SEC22C: variants seen among roughly 807,000 people sequenced by gnomAD.
SEC22C encodes SEC22 homolog C, vesicle trafficking protein.
In SEC22C, 29 loss-of-function variants were observed where a neutral mutation model predicts 34.7. That is an observed-to-expected ratio of 0.84 (90% CI 0.62 to 1.14). SEC22C has a LOEUF of 1.14. Ranked by LOEUF, SEC22C falls within the 50% of genes most tolerant of loss-of-function variation. The pLI is 0.00. For synonymous variants in SEC22C, 117 were observed against 132.8 expected, an observed-to-expected ratio of 0.88 and a Z score of 0.82; for missense variants, 337 against 369.0, an observed-to-expected ratio of 0.91 and a Z score of 0.71.
chr3:42,564,311 T>C (rs1287116145), intron 2 of SEC22C: 1 of 173,868 alleles, frequency 5.8e-6, no homozygotes, highest in East Asian at 1.6e-4. Context: ...GTACAGGGGT[T>C]CTAGGTCACC....
At chr3:42,557,094 T>G (rs1284696251) in intron 5 of SEC22C, among the ~76,000 whole-genome samples, 2 of 152,252 alleles carry the variant, frequency 1.3e-5, no homozygotes, top group African/African-American at 4.8e-5. Flanking sequence ...ACTGAAATAG[T>G]AAGTTCCTTT....
intron 1 of SEC22C, among the ~76,000 whole-genome samples, chr3:42,589,597 A>G (rs772939784): frequency 5.3e-5 from 8 of 152,222 alleles, no homozygotes; most frequent in Non-Finnish European, 7.3e-5. Flanking sequence ...GCCCCCTCAG[A>G]TCAGCGGGGG....
chr3:42,555,053 T>A (rs1405562745), intron 6 of SEC22C, among the ~76,000 whole-genome samples: 2 of 152,062 alleles, frequency 1.3e-5, no homozygotes, highest in South Asian at 4.1e-4. Context: ...TTTTAAAAAA[T>A]TTTTTGCAGA....
intron 3 of SEC22C, among the ~76,000 whole-genome samples, 179 bp downstream of exon 3, chr3:42,563,344 T>C (rs1247913821): frequency 2.0e-5 from 3 of 152,226 alleles, no homozygotes; most frequent in Non-Finnish European, 2.9e-5. Context: ...GTGTTAAACC[T>C]TGACGCTTTC....
chr3:42,586,838 C>T (rs1225639754), upstream of SEC22C, among the ~76,000 whole-genome samples: 1 of 152,196 alleles, frequency 6.6e-6, no homozygotes, highest in East Asian at 1.9e-4. Context: ...GCCTCAACAT[C>T]GTTTGACATC....
chr3:42,564,634 T>G (rs1015201765), intron 2 of SEC22C, among the ~76,000 whole-genome samples: 3 of 152,232 alleles, frequency 2.0e-5, no homozygotes, highest in African/African-American at 7.2e-5. Context: ...AAATTTATTT[T>G]TCCTTCCCAC....
At chr3:42,596,615 T>C (rs1661241039) in intron 1 of SEC22C, among the ~76,000 whole-genome samples, 1 of 152,234 alleles carries the variant, frequency 6.6e-6, no homozygotes. Flanking sequence ...AGGCCTGCCT[T>C]GTCCCAGGAG....
intron 6 of SEC22C, 104 bp from the exon 7 acceptor site, chr3:42,553,552 C>T (rs1577288482): frequency 1.4e-6 from 2 of 1,461,544 alleles, no homozygotes; most frequent in Non-Finnish European, 1.8e-6. Flanking sequence ...TCATTTCTCT[C>T]ACATTAGCTG....
At chr3:42,578,047 A>G (rs376500965) in intron 1 of SEC22C, among the ~76,000 whole-genome samples, 1 of 152,180 alleles carries the variant, frequency 6.6e-6, no homozygotes, top group African/African-American at 2.4e-5. Context: ...CAATCTACCA[A>G]TCACACTCCT....
chr3:42,599,306 A>ATC (rs1332199993), intron 1 of SEC22C, among the ~76,000 whole-genome samples: 11 of 152,032 alleles, frequency 7.2e-5, no homozygotes, highest in Admixed American at 2.0e-4. Context: ...AACTTATAAA[A>ATC]TAGTGTGGTA....
intron 6 of SEC22C, among the ~76,000 whole-genome samples, chr3:42,554,928 C>T (rs1702436029): frequency 6.6e-6 from 1 of 152,040 alleles, no homozygotes; most frequent in Non-Finnish European, 1.5e-5. Flanking sequence ...CTAATGTTTG[C>T]TTCAGTTCCT....
intron 1 of SEC22C, among the ~76,000 whole-genome samples, chr3:42,571,264 T>C (rs924423896): frequency 6.6e-6 from 1 of 152,220 alleles, no homozygotes; most frequent in Non-Finnish European, 1.5e-5. Flanking sequence ...CTCCATCCTA[T>C]CCTTTGGTGA....
intron 1 of SEC22C, chr3:42,594,494 A>T: frequency 6.2e-7 from 1 of 1,613,742 alleles, no homozygotes; most frequent in South Asian, 1.1e-5. Flanking sequence ...CCAGCACTTC[A>T]AAAGCAATGG....
chr3:42,600,951 T>C (rs1000773441), intron 1 of SEC22C: 7 of 1,135,840 alleles, frequency 6.2e-6, no homozygotes, highest in South Asian at 2.8e-5. Flanking sequence ...CCCTCGCCCC[T>C]GCCCTGACCG....
intron 2 of SEC22C, among the ~76,000 whole-genome samples, chr3:42,566,212 A>T (rs577186539): frequency 1.5e-4 from 23 of 152,168 alleles, no homozygotes; most frequent in Non-Finnish European, 2.5e-4. Flanking sequence ...AGCCCACATC[A>T]CCAGGTGACA....
intron 1 of SEC22C, among the ~76,000 whole-genome samples, chr3:42,575,646 G>T (rs1042949264): frequency 1.4e-4 from 22 of 152,188 alleles, no homozygotes; most frequent in African/African-American, 4.8e-5. Context: ...AAAGTGAAAG[G>T]AGGAACAGAC....
At chr3:42,598,710 A>G (rs999707057) in intron 1 of SEC22C, among the ~76,000 whole-genome samples, 7 of 151,984 alleles carry the variant, frequency 4.6e-5, no homozygotes, top group African/African-American at 1.7e-4. Context: ...GAGAAAGTAG[A>G]AGGGTGGCTG....
chr3:42,562,285 G>C lies in SEC22C; in HGVS notation c.347-989C>G, dbSNP rs145404091. Among the ~76,000 whole-genome samples the C allele has an allele frequency of 5.9e-5, 9 of 152,332 alleles. No homozygotes were observed. In the East Asian group the frequency reaches 1.2e-3, roughly 20 times the overall value. ...TGGCTTTAGAAGGAAGGCACATGCAGAGATAAGGGGAGAGAAGAACACAGG... is the reference window on the plus strand; with the variant it reads ...TGGCTTTAGAAGGAAGGCACATGCACAGATAAGGGGAGAGAAGAACACAGG... On this transcript the variant is annotated intron_variant, in intron 3 of 6. Coordinates refer to ENST00000264454, the MANE Select transcript of SEC22C (RefSeq NM_032970.4).
rs778695669 is a variant in SEC22C, at chr3:42,553,251, T to C, written c.909A>G (p.Val303=). The C allele has an allele frequency of 2.5e-6, 4 of 1,613,974 alleles. No individual in the cohort carries two copies. Among genetic ancestry groups the C allele is most frequent in the Non-Finnish European group, 3.4e-6 (4 of 1,180,034 alleles). Residue 303 remains valine, a synonymous_variant, in exon 7 of 7, where the codon GTA becomes GTG. Transcript: ENST00000264454. ...QLQEKQSDCG[V] Reference sequence around the variant, plus strand: ...TCCATTCATCACAGTGTCATCCTCATACTCCACAGTCAGACTGCTTCTCCT... The same window carrying C: ...TCCATTCATCACAGTGTCATCCTCACACTCCACAGTCAGACTGCTTCTCCT...
Sources: allele counts gnomAD v4.1 joint callset (sites outside exome capture counted in the v4.1 genomes callset), GRCh38; gene constraint gnomAD v4.1.1; transcripts MANE v1.5; gene names NCBI Gene and HGNC (gene_info 2026-07-23, HGNC 2026-07-21).